The following PRPSAP1 variants were observed in gnomAD, a reference collection of about 807,000 sequenced individuals.
PRPSAP1 encodes the protein phosphoribosyl pyrophosphate synthetase associated protein 1, also known as phosphoribosyl pyrophosphate synthase-associated protein 1.
Under a neutral mutation model 39.4 loss-of-function variants are expected in PRPSAP1, and 31 were observed. The observed-to-expected ratio is 0.79, with a 90% CI of 0.59 to 1.06. PRPSAP1 has a LOEUF of 1.06. Among genes scored for constraint, PRPSAP1 ranks in the 50% least tolerant of loss-of-function variants. The pLI is 0.00. For synonymous variants in PRPSAP1, 212 were observed against 192.6 expected (o/e 1.10, Z -0.83); for missense variants, 430 against 511.6 (o/e 0.84, Z 1.54).
chr17:76,311,571 G>A lies in PRPSAP1; in HGVS notation c.1129C>T (p.Leu377Phe). The A allele has an allele frequency of 6.2e-7, 1 of 1,613,986 alleles. No homozygotes were observed. The highest frequency in any genetic ancestry group is 8.5e-7 in the Non-Finnish European group (1 of 1,179,960). Reference protein sequence around the residue: ...RIHNGESMAYLFRNITVDD With the variant: ...RIHNGESMAYFFRNITVDD Reference sequence around the variant, plus strand: ...TCATCCACAGTGATGTTTCGGAAAAGGTAGGCCATGGACTCTCCATTGTGG... The same window carrying A: ...TCATCCACAGTGATGTTTCGGAAAAAGTAGGCCATGGACTCTCCATTGTGG... The change falls in exon 10 of 10, where the codon CTT (leucine) becomes TTT (phenylalanine). Residue 377 changes from leucine (L) to phenylalanine (F), a missense_variant. Transcript: ENST00000446526.
chr17:76,317,995 G>T (rs1178907325), intron 7 of PRPSAP1, among the ~76,000 whole-genome samples: 1 of 152,152 alleles, frequency 6.6e-6, no homozygotes, highest in African/African-American at 2.4e-5. Context: ...TGGACTGGGT[G>T]ATTATCACAC....
At chr17:76,335,325 G>A (rs981558251) in intron 3 of PRPSAP1, among the ~76,000 whole-genome samples, 3 of 151,954 alleles carry the variant, frequency 2.0e-5, no homozygotes, top group South Asian at 2.1e-4. Context: ...TTCTGTAAGC[G>A]TTATCTGTTC....
chr17:76,320,333 G>GAGGA (rs1567799204), intron 7 of PRPSAP1, among the ~76,000 whole-genome samples: 1 of 71,766 alleles, frequency 1.4e-5, no homozygotes, highest in Non-Finnish European at 2.6e-5. Flanking sequence ...AGAAGGGAGG[G>GAGGA]AGGGAGGGAG....
intron 1 of PRPSAP1, among the ~76,000 whole-genome samples, chr17:76,348,949 G>A (rs1194794327): frequency 4.6e-5 from 7 of 152,144 alleles, no homozygotes; most frequent in Non-Finnish European, 1.0e-4. Flanking sequence ...AAGGAAAGAG[G>A]CTTCAGCACT....
chr17:76,345,237 T>TAAAAAAAAAAAAAAAAAAAAA (rs59693380), intron 2 of PRPSAP1, among the ~76,000 whole-genome samples: 7 of 62,202 alleles, frequency 1.1e-4, no homozygotes, highest in African/African-American at 3.7e-4. Flanking sequence ...TCCGTCTCAT[T>TAAAAAAAAAAAAAAAAAAAAA]AAAAAAAAAA....
rs977897962 is a variant in PRPSAP1 at position 76,309,653 on chromosome 17, A to C, written c.*1889T>G. On this transcript the variant is annotated 3_prime_UTR_variant, in exon 10 of 10. Coordinates refer to ENST00000446526, the MANE Select transcript of PRPSAP1 (RefSeq NM_002766.3). ...TGAACACGTACAGATTCCTGTCATG[A>C]TTCTCTAAATAATACAGCATGACCA... 6.6e-6 allele frequency: 1 copy of C among 152,186 alleles called. No individual in the cohort carries two copies. The highest frequency in any genetic ancestry group is 1.5e-5 in the Non-Finnish European group (1 of 68,040). The allele number at this position is 152,186 out of a possible 1,614,324, so 9.4% of individuals were successfully genotyped here.
At position 76,344,219 on chromosome 17, in the gene PRPSAP1, C is replaced by T. The variant is rs142530152; in HGVS notation, c.290+452G>A. Among the ~76,000 whole-genome samples, 1,138 of 152,302 alleles carry T rather than the reference C, an allele frequency of 7.5e-3. 12 individuals carry two copies. Among genetic ancestry groups the T allele is most frequent in the African/African-American group, 0.025 (1,020 of 41,562 alleles). ...CTCGGCTCACTGCAAGCTCTGCCTC[C>T]TGGGTTCACGCCTTTCTCCTATCTC... On this transcript the variant is annotated intron_variant, in intron 3 of 9. Transcript: ENST00000446526.
chr17:76,328,754 G>T lies in PRPSAP1; in HGVS notation c.744C>A (p.Val248=). ...MDDGRHSPPM[V]KNATVHPGLE... ...GGCCTGGGTGCACAGTAGCATTTTT[G>T]ACCATAGGCGGGGAGTGACGACCAT... is the stretch of plus-strand genomic sequence containing the variant. The change falls in exon 7 of 10, where the codon GTC becomes GTA. Residue 248 remains valine, a synonymous_variant. Coordinates refer to ENST00000446526, the MANE Select transcript of PRPSAP1 (RefSeq NM_002766.3). The T allele has an allele frequency of 6.2e-7, 1 of 1,614,122 alleles. No homozygotes were observed. The highest frequency in any genetic ancestry group is 8.5e-7 in the Non-Finnish European group (1 of 1,180,022).
At position 76,332,341 on chromosome 17, in the gene PRPSAP1, G is replaced by C. The variant is rs1248358338; in HGVS notation, c.385C>G (p.Pro129Ala). The C allele has an allele frequency of 1.2e-6, 2 of 1,614,154 alleles. No individual in the cohort carries two copies. Among genetic ancestry groups the C allele is most frequent in the Admixed American group, 3.3e-5 (2 of 60,020 alleles). The change falls in exon 4 of 10, where the codon CCC becomes GCC. Residue 129 changes from proline (P) to alanine (A), a missense_variant. Coordinates refer to ENST00000446526, the MANE Select transcript of PRPSAP1 (RefSeq NM_002766.3). ...CTCATCTTGCTCTGCTTGCTGTAGGGGAAGTAGGGGATGACCCCAATAATG... is the reference window on the plus strand; with the variant it reads ...CTCATCTTGCTCTGCTTGCTGTAGGCGAAGTAGGGGATGACCCCAATAATG... ...RNIIGVIPYF[P>A]YSKQSKMRKR...
At chr17:76,335,017 G>A (rs1020779360) in intron 3 of PRPSAP1, among the ~76,000 whole-genome samples, 3 of 152,192 alleles carry the variant, frequency 2.0e-5, no homozygotes, top group Non-Finnish European at 2.9e-5. Context: ...GACCACTCTC[G>A]AGGTACTCAT....
chr17:76,344,372 G>A lies in PRPSAP1; in HGVS notation c.290+299C>T, dbSNP rs1030405326. Among the ~76,000 whole-genome samples the A allele has an allele frequency of 5.7e-4, 86 of 152,082 alleles. 1 individual carries two copies. Among genetic ancestry groups the A allele is most frequent in the Admixed American group, 2.6e-4 (4 of 15,250 alleles). ...TCTCGATCTCCTGACCTCGTGATCC[G>A]CCCGCCTCGGCCTCCCAAAGTGCTG... On this transcript the variant is annotated intron_variant, in intron 3 of 9. Coordinates refer to ENST00000446526, the MANE Select transcript of PRPSAP1 (RefSeq NM_002766.3).
chr17:76,328,733 T>C lies in PRPSAP1; in HGVS notation c.765A>G (p.Pro255=). 6.2e-7 allele frequency: 1 copy of C among 1,614,102 alleles called. No individual in the cohort carries two copies. Among genetic ancestry groups the C allele is most frequent in the Non-Finnish European group, 8.5e-7 (1 of 1,180,012 alleles). ...TCATCTTACATGGCAACTCCAGGCC[T>C]GGGTGCACAGTAGCATTTTTGACCA... ...PPMVKNATVH[P]GLELPLMMAK... The change falls in exon 7 of 10, where the codon CCA becomes CCG. Residue 255 remains proline, a synonymous_variant. Transcript: ENST00000446526.
chr17:76,325,867 A>C, intron 7 of PRPSAP1, among the ~76,000 whole-genome samples: 1 of 152,040 alleles, frequency 6.6e-6, no homozygotes. Flanking sequence ...CAGCCTCCCA[A>C]AGTGCTGGGA....
At chr17:76,324,286 T>C (rs567922273) in intron 7 of PRPSAP1, among the ~76,000 whole-genome samples, 1 of 151,600 alleles carries the variant, frequency 6.6e-6, no homozygotes, top group African/African-American at 2.4e-5. Context: ...CATCAGTACA[T>C]CACCTGGCTG....
At chr17:76,330,483 T>C in intron 5 of PRPSAP1, 68 bp downstream of exon 5, 1 of 1,233,552 alleles carries the variant, frequency 8.1e-7, no homozygotes, top group East Asian at 2.4e-5. Flanking sequence ...TAACGAAATC[T>C]GATACCAGAG....
chr17:76,336,889 T>C (rs1488409395), intron 3 of PRPSAP1, among the ~76,000 whole-genome samples: 11 of 152,112 alleles, frequency 7.2e-5, no homozygotes, highest in Admixed American at 7.2e-4. Flanking sequence ...TTTGTCACAT[T>C]GGCTTTACCC....
chr17:76,339,290 A>G (rs2071410911), intron 3 of PRPSAP1, among the ~76,000 whole-genome samples: 1 of 151,314 alleles, frequency 6.6e-6, no homozygotes, highest in Non-Finnish European at 1.5e-5. Context: ...CTATAATCCC[A>G]GCTACTCAGG....
At chr17:76,328,213 T>C (rs1173156935) in intron 7 of PRPSAP1, among the ~76,000 whole-genome samples, 2 of 146,610 alleles carry the variant, frequency 1.4e-5, no homozygotes, top group African/African-American at 2.5e-5. Flanking sequence ...AGGCGGAGGA[T>C]AGCAAATACC....
chr17:76,349,756 C>T (rs950068584), intron 1 of PRPSAP1, among the ~76,000 whole-genome samples: 1 of 151,662 alleles, frequency 6.6e-6, no homozygotes, highest in African/African-American at 2.4e-5. Flanking sequence ...AGCGAAACTC[C>T]ATCTCAAAAA....
Sources: gnomAD v4.1 joint callset for allele counts (sites outside exome capture counted in the v4.1 genomes callset) on GRCh38, gnomAD v4.1.1 for gene constraint, MANE v1.5 for transcripts, NCBI Gene and HGNC (gene_info 2026-07-23, HGNC 2026-07-21) for gene names.